PRKN: variants seen among roughly 807,000 people sequenced by gnomAD.
PRKN encodes E3 ubiquitin-protein ligase parkin.
A neutral mutation model predicts 59.5 loss-of-function variants in PRKN; 56 were observed. The observed-to-expected ratio is 0.94, with a 90% CI of 0.76 to 1.18. The LOEUF (loss-of-function observed/expected upper bound fraction) is 1.18. Among genes scored for constraint, PRKN ranks in the 50% most tolerant of loss-of-function variants. The pLI is 0.00. For synonymous variants in PRKN, 250 were observed against 222.1 expected (o/e 1.13, Z -1.12); for missense variants, 657 against 596.4 (o/e 1.10, Z -1.06).
Position 162,613,016 on chromosome 6 carries a change from A to T in PRKN, c.7+114646T>A, listed in dbSNP as rs1345635718. Among the ~76,000 whole-genome samples, 4 of 152,248 alleles carry T rather than the reference A, an allele frequency of 2.6e-5. No homozygotes were observed. The East Asian group carries it at 7.7e-4, about 29-fold the overall frequency. The stretch of plus-strand genomic sequence containing the variant: ...ATATTGGTTTAAAAGACTAAAATTA[A>T]TACCAACAAGACATACCAATTAATC... On this transcript the variant is annotated intron_variant, in intron 1 of 11. Coordinates refer to ENST00000366898, the MANE Select transcript of PRKN (RefSeq NM_004562.3).
chr6:161,770,303 C>T (rs1236095578), intron 7 of PRKN, among the ~76,000 whole-genome samples: 1 of 152,026 alleles, frequency 6.6e-6, no homozygotes, highest in African/African-American at 2.4e-5. Flanking sequence ...GTTCAATAGG[C>T]CTTTTCTGAA....
In PRKN at chr6:161,428,006, G is replaced by A. The variant is rs1418914149; in HGVS notation, c.1084-41129C>T. On this transcript the variant is annotated intron_variant, in intron 9 of 11. Transcript: ENST00000366898. This position sits in a 1 kb window ranked among gnomAD's most constrained non-coding sequence, Gnocchi z 4.0. The stretch of plus-strand genomic sequence containing the variant: ...TGGGCTCAGAGGGTCCCGACAGAGG[G>A]TGACACTTGCATGGTTGCAGAAGGA... Among the ~76,000 whole-genome samples, 1 of 152,172 alleles carries A rather than the reference G, an allele frequency of 6.6e-6. No individual in the cohort carries two copies. Among genetic ancestry groups the A allele is most frequent in the African/African-American group, 2.4e-5 (1 of 41,416 alleles).
At chr6:162,633,056 G>C (rs1286702914) in intron 1 of PRKN, among the ~76,000 whole-genome samples, 1 of 151,818 alleles carries the variant, frequency 6.6e-6, no homozygotes, top group Non-Finnish European at 1.5e-5. Flanking sequence ...AATTTTGAAT[G>C]TATCTTTAGT....
intron 9 of PRKN, among the ~76,000 whole-genome samples, chr6:161,541,752 C>G (rs985435473): frequency 6.6e-6 from 1 of 151,356 alleles, no homozygotes; most frequent in Non-Finnish European, 1.5e-5. Context: ...ACCTTGAAGG[C>G]GGAGGTGACA....
chr6:161,937,722 T>C (rs1331912174), intron 6 of PRKN, among the ~76,000 whole-genome samples: 3 of 152,222 alleles, frequency 2.0e-5, no homozygotes, highest in Non-Finnish European at 4.4e-5. Context: ...ATTAATTATT[T>C]AGGACTGAAT....
intron 1 of PRKN, among the ~76,000 whole-genome samples, chr6:162,559,827 A>G (rs189629769): frequency 6.8e-6 from 1 of 146,308 alleles, no homozygotes; most frequent in Non-Finnish European, 1.5e-5. Context: ...TGGAGATAGA[A>G]ATTAAATAGG....
At chr6:161,723,753 A>G (rs1360099936) in intron 7 of PRKN, among the ~76,000 whole-genome samples, 1 of 152,234 alleles carries the variant, frequency 6.6e-6, no homozygotes, top group African/African-American at 2.4e-5. Flanking sequence ...ATCTGGGCAC[A>G]GTCCTCCCCA....
At chr6:162,690,119 G>GAATGTACTCCATTATTTAC (rs1175791180) in intron 1 of PRKN, among the ~76,000 whole-genome samples, 6 of 152,202 alleles carry the variant, frequency 3.9e-5, no homozygotes, top group African/African-American at 4.8e-5. Flanking sequence ...CCATTATTTA[G>GAATGTACTCCATTATTTAC]AATGTACTCG....
chr6:162,311,783 C>T (rs1198451726), intron 2 of PRKN, among the ~76,000 whole-genome samples: 1 of 151,990 alleles, frequency 6.6e-6, no homozygotes, highest in Non-Finnish European at 1.5e-5. Flanking sequence ...TTCTCTCCTG[C>T]CTGGTCATAG....
At chr6:161,791,790 G>T (rs1790649070) in intron 6 of PRKN, among the ~76,000 whole-genome samples, 1 of 152,154 alleles carries the variant, frequency 6.6e-6, no homozygotes, top group South Asian at 2.1e-4. Context: ...CACGCTCTGG[G>T]GTAAGCAGCC....
At chr6:162,117,101 C>T (rs1032775128) in intron 4 of PRKN, among the ~76,000 whole-genome samples, 1 of 152,012 alleles carries the variant, frequency 6.6e-6, no homozygotes, top group African/African-American at 2.4e-5. Context: ...CTGTAATTCA[C>T]GATGACATAA....
rs1286551293 is a variant in PRKN at position 162,163,518 on chromosome 6, A to G, written c.534+37613T>C. Among the ~76,000 whole-genome samples, 6 of 149,528 alleles carry G rather than the reference A, an allele frequency of 4.0e-5. 2 individuals are homozygous for G. Among genetic ancestry groups the G allele is most frequent in the African/African-American group, 1.3e-4 (5 of 39,800 alleles). On this transcript the variant is annotated intron_variant, in intron 4 of 11. Coordinates refer to ENST00000366898, the MANE Select transcript of PRKN (RefSeq NM_004562.3). ...CTTGTAGCCCGAGGAGAACAGAAAC[A>G]GGGGAAAAACAGGTAATGCTTTCCA... is the stretch of plus-strand genomic sequence containing the variant.
chr6:161,825,785 C>T (rs1040463318), intron 6 of PRKN, among the ~76,000 whole-genome samples: 1 of 152,104 alleles, frequency 6.6e-6, no homozygotes, highest in African/African-American at 2.4e-5. Context: ...ACAAAGGCCT[C>T]CTTCCCTTCT....
chr6:162,547,906 C>T (rs1411658322), intron 1 of PRKN, among the ~76,000 whole-genome samples: 1 of 150,680 alleles, frequency 6.6e-6, no homozygotes, highest in African/African-American at 2.4e-5. Context: ...GGGCCAAGAT[C>T]CGATAAGAAG....
Position 162,163,382 on chromosome 6 carries a change from T to C in PRKN, c.534+37749A>G, listed in dbSNP as rs1005804924. On this transcript the variant is annotated intron_variant, in intron 4 of 11. Transcript: ENST00000366898. ...CCAGTTACAAAGCCTGTAGTATTAA[T>C]AGAAGCTTCTAATCTGTATAGCATG... 6.7e-5 allele frequency among the ~76,000 whole-genome samples: 10 copies of C among 149,570 alleles called. 3 individuals are homozygous for C. Among genetic ancestry groups the C allele is most frequent in the African/African-American group, 1.8e-4 (7 of 39,876 alleles).
intron 1 of PRKN, among the ~76,000 whole-genome samples, chr6:162,489,644 GT>G (rs1451407293): frequency 6.6e-6 from 1 of 152,208 alleles, no homozygotes; most frequent in Non-Finnish European, 1.5e-5. Flanking sequence ...TTATAAGTAT[GT>G]TGGGGGCAGC....
chr6:161,712,866 GGT>G (rs1007312168), intron 7 of PRKN, among the ~76,000 whole-genome samples: 9 of 152,084 alleles, frequency 5.9e-5, no homozygotes, highest in Non-Finnish European at 1.0e-4. Flanking sequence ...ATGACCAGAT[GGT>G]GGTGGGGGGG....
chr6:161,965,310 G>T (rs1025559222), intron 6 of PRKN, among the ~76,000 whole-genome samples: 6 of 152,048 alleles, frequency 3.9e-5, no homozygotes, highest in African/African-American at 1.5e-4. Context: ...GTCTTTATTG[G>T]AAGGGTTGAG....
intron 1 of PRKN, among the ~76,000 whole-genome samples, chr6:162,634,018 A>G (rs1399163957): frequency 6.6e-6 from 1 of 152,206 alleles, no homozygotes; most frequent in Non-Finnish European, 1.5e-5. Flanking sequence ...TCTTGTGTCA[A>G]CAAAACTAAC....
Sources: gnomAD v4.1 joint callset for allele counts (sites outside exome capture counted in the v4.1 genomes callset) on GRCh38, gnomAD v4.1.1 for gene constraint, Gnocchi (gnomAD v3.1) non-coding constraint, MANE v1.5 for transcripts, NCBI Gene and HGNC (gene_info 2026-07-23, HGNC 2026-07-21) for gene names.